The following DARS2 variants were observed in gnomAD, a reference collection of about 807,000 sequenced individuals.
The protein encoded by DARS2 is aspartate--tRNA ligase, mitochondrial.
In DARS2, 63 loss-of-function variants were observed where a neutral mutation model predicts 83.0. That is an observed-to-expected ratio of 0.76 (90% confidence interval 0.62 to 0.94). The LOEUF is 0.94. Ranked by LOEUF, DARS2 falls within the 40% of genes least tolerant of loss-of-function variation. DARS2 has a pLI of 0.00. For missense variants in DARS2, 675 were observed against 774.4 expected, an observed-to-expected ratio of 0.87 and a Z score of 1.52; for synonymous variants, 250 against 269.3, an observed-to-expected ratio of 0.93 and a Z score of 0.70.
Position 173,830,766 on chromosome 1 carries a change from G to A in DARS2, c.396+5G>A. ...CCTGCAGGACAAGAGAATCCAGTAG[G>A]TAGTTTCGAAGATATCTGTGTAATT... On this transcript the variant is annotated splice_donor_5th_base_variant and intron_variant, in intron 4 of 16. Coordinates refer to ENST00000649689, the MANE Select transcript of DARS2 (RefSeq NM_018122.5). 1.2e-6 allele frequency: 2 copies of A among 1,611,542 alleles called. No individual in the cohort carries two copies. The highest frequency in any genetic ancestry group is 1.7e-6 in the Non-Finnish European group (2 of 1,177,736).
intron 5 of DARS2, among the ~76,000 whole-genome samples, chr1:173,832,630 G>A (rs1012607673): frequency 6.6e-6 from 1 of 151,962 alleles, no homozygotes; most frequent in Non-Finnish European, 1.5e-5. Context: ...TTAGCCAGGC[G>A]TGGTGGCAGG....
intron 13 of DARS2, among the ~76,000 whole-genome samples, chr1:173,851,165 C>T (rs989690259): frequency 6.7e-6 from 1 of 149,832 alleles, no homozygotes; most frequent in African/African-American, 2.5e-5. Context: ...AGGAGAATCA[C>T]TTCAACCTGG....
chr1:173,843,677 G>A (rs1653317009), intron 11 of DARS2, among the ~76,000 whole-genome samples: 1 of 152,220 alleles, frequency 6.6e-6, no homozygotes, highest in Non-Finnish European at 1.5e-5. Flanking sequence ...GCTCTATTAG[G>A]ATGGAAGTAG....
chr1:173,834,724 G>GTT (rs1203102003), intron 7 of DARS2, among the ~76,000 whole-genome samples: 11 of 14,800 alleles, frequency 7.4e-4, no homozygotes, highest in African/African-American at 1.8e-3. Context: ...TTTCCTTTGA[G>GTT]TTTTTTTGTT....
chr1:173,855,826 T>C (rs900328792), intron 15 of DARS2, among the ~76,000 whole-genome samples: 43 of 151,820 alleles, frequency 2.8e-4, no homozygotes, highest in African/African-American at 9.7e-4. Flanking sequence ...CATTTTTTTT[T>C]TTTTTTGTAT....
intron 5 of DARS2, among the ~76,000 whole-genome samples, chr1:173,832,150 A>G (rs1652816276): frequency 6.6e-6 from 1 of 152,206 alleles, no homozygotes; most frequent in African/African-American, 2.4e-5. Context: ...CACAGTTTAT[A>G]GACTTATATA....
In DARS2 at chr1:173,858,518, T is replaced by A. The variant is rs1653932240; in HGVS notation, c.*813T>A. 2 of 152,146 alleles carry A rather than the reference T, an allele frequency of 1.3e-5. No individual in the cohort carries two copies. The highest frequency in any genetic ancestry group is 4.8e-5 in the African/African-American group (2 of 41,452). The allele number at this position is 152,146 out of a possible 1,614,324, so 9.4% of individuals were successfully genotyped here. On this transcript the variant is annotated 3_prime_UTR_variant, in exon 17 of 17. Coordinates refer to ENST00000649689, the MANE Select transcript of DARS2 (RefSeq NM_018122.5). ...AGTTTCAGATTAAACAAAACTGATA[T>A]CAATAGTAAAAGTCATTTTACTTAT...
chr1:173,825,282 T>G lies in DARS2; in HGVS notation c.53T>G (p.Ile18Ser). The change falls in exon 1 of 17, where the codon ATC becomes AGC. Residue 18 changes from isoleucine to serine, a missense_variant. Ile to Ser is a moderately radical substitution (Grantham distance 142). Transcript: ENST00000649689. ...CTGTACAGGGGTTTATCCAGACCCA[T>G]CAGAAGGACCACCCAACCGATCTGG... ...SQLYRGLSRP[I>S]RRTTQPIWGS... is the part of the protein sequence containing the mutation. The G allele has an allele frequency of 6.2e-7, 1 of 1,613,714 alleles. No homozygotes were observed. Among genetic ancestry groups the G allele is most frequent in the Non-Finnish European group, 8.5e-7 (1 of 1,179,830 alleles).
chr1:173,824,866 G>A lies in DARS2; in HGVS notation c.-364G>A. The A allele has an allele frequency of 3.0e-6, 1 of 334,098 alleles. No individual in the cohort carries two copies. Among genetic ancestry groups the A allele is most frequent in the East Asian group, 7.8e-5 (1 of 12,802 alleles). The allele number at this position is 334,098 out of a possible 1,614,324, so 20.7% of individuals were successfully genotyped here. A position where few individuals can be genotyped will look rare whatever the true frequency, so the allele number is the denominator to read the frequency against. On this transcript the variant is annotated 5_prime_UTR_variant, in exon 1 of 17. Transcript: ENST00000649689. ...TCGAGAAGCGTGGAAAGAGGAGAAG[G>A]GCGTATACCTTGTGACCGCCTCTGG...
chr1:173,826,053 TCTA>T, intron 1 of DARS2, among the ~76,000 whole-genome samples: 1 of 150,694 alleles, frequency 6.6e-6, no homozygotes, highest in South Asian at 2.1e-4. Flanking sequence ...AAACCCCGTC[TCTA>T]CTAAAAATAA....
intron 6 of DARS2, 99 bp downstream of exon 6, chr1:173,833,598 G>A (rs988032378): frequency 2.8e-6 from 4 of 1,445,036 alleles, no homozygotes; most frequent in Non-Finnish European, 3.9e-6. Flanking sequence ...AGGTCAAGAT[G>A]TTGCCAGAAG....
rs559946475 is a variant in DARS2 at position 173,828,825 on chromosome 1, G to C, written c.294+426G>C. On this transcript the variant is annotated intron_variant, in intron 3 of 16. Coordinates refer to ENST00000649689, the MANE Select transcript of DARS2 (RefSeq NM_018122.5). ...ATTTGGCAATATCAAAACTATAAAT[G>C]CATATATCCTTTGAGCCATTAATTT... Among the ~76,000 whole-genome samples the C allele has an allele frequency of 2.2e-4, 34 of 152,144 alleles. No individual in the cohort carries two copies. The South Asian group carries it at 5.6e-3, about 25-fold the overall frequency.
intron 12 of DARS2, among the ~76,000 whole-genome samples, chr1:173,846,090 G>A (rs1031703052): frequency 3.9e-5 from 6 of 151,916 alleles, no homozygotes; most frequent in Non-Finnish European, 7.4e-5. Context: ...CGCAGGAGGC[G>A]GAGCTTGCAG....
At chr1:173,838,361 T>G (rs1032397847) in intron 9 of DARS2, 102 bp downstream of exon 9, 2 of 833,472 alleles carry the variant, frequency 2.4e-6, no homozygotes, top group African/African-American at 3.4e-5. Context: ...CTCATTACAT[T>G]TTATCCATCA....
At chr1:173,845,312 GT>G (rs1460020352) in intron 12 of DARS2, 21 bp downstream of exon 12, 16 of 1,561,852 alleles carry the variant, frequency 1.0e-5, no homozygotes, top group East Asian at 2.2e-5. Flanking sequence ...AATTAGAGCA[GT>G]TTTTTTCCTT....
intron 13 of DARS2, 125 bp downstream of exon 13, chr1:173,850,604 TC>T: frequency 1.5e-5 from 13 of 851,394 alleles, no homozygotes; most frequent in Non-Finnish European, 1.9e-5. Flanking sequence ...TCTGCATAAA[TC>T]TTTTTTTTTT....
At chr1:173,857,443 CTT>C (rs1351519142) in intron 16 of DARS2, 73 bp from the exon 17 acceptor site, 1 of 1,481,296 alleles carries the variant, frequency 6.8e-7, no homozygotes, top group Non-Finnish European at 9.4e-7. Context: ...TTTTCTACAA[CTT>C]TTATAGAAAA....
intron 5 of DARS2, among the ~76,000 whole-genome samples, chr1:173,832,468 G>A (rs1652826150): frequency 6.6e-6 from 1 of 152,108 alleles, no homozygotes; most frequent in South Asian, 2.1e-4. Flanking sequence ...GAGATTTGTA[G>A]CCTTGAAAAT....
In DARS2 at chr1:173,853,568, G is replaced by A. The variant is rs748224550; in HGVS notation, c.1563+1G>A. The A allele has an allele frequency of 1.2e-6, 2 of 1,613,800 alleles. No homozygotes were observed. Among genetic ancestry groups the A allele is most frequent in the African/African-American group, 2.7e-5 (2 of 74,848 alleles). ...TCTCCTGTACACTGAGCCCAAAAAGGTACCGTATCTATACTTCCAAATCAA... is the reference window on the plus strand; with the variant it reads ...TCTCCTGTACACTGAGCCCAAAAAGATACCGTATCTATACTTCCAAATCAA... On this transcript the variant is annotated splice_donor_variant, in intron 14 of 16. Coordinates refer to ENST00000649689, the MANE Select transcript of DARS2 (RefSeq NM_018122.5). LOFTEE classifies it high-confidence loss of function.
Sources: gnomAD v4.1 joint callset for allele counts (sites outside exome capture counted in the v4.1 genomes callset) on GRCh38, gnomAD v4.1.1 for gene constraint, MANE v1.5 for transcripts, NCBI Gene and HGNC (gene_info 2026-07-23, HGNC 2026-07-21) for gene names.